The following FBN2 variants were observed in gnomAD, a reference collection of about 807,000 sequenced individuals.
The protein encoded by FBN2 is fibrillin 2.
A neutral mutation model predicts 355.6 loss-of-function variants in FBN2; 105 were observed. That is an observed-to-expected ratio of 0.30 (90% CI 0.25 to 0.35). The LOEUF is 0.35. Among genes scored for constraint, FBN2 ranks in the 10% least tolerant of loss-of-function variants. The probability of loss-of-function intolerance (pLI) is 1.00; values close to 1 mark genes in which losing one functional copy is unlikely to be tolerated. For missense variants in FBN2, 3,280 were observed against 3,758.7 expected (o/e 0.87, Z 3.33); for synonymous variants, 1,350 against 1,301.2 (o/e 1.04, Z -0.81).
rs751962930 is a variant in FBN2, at chr5:128,277,987, A to G, written c.7364T>C (p.Val2455Ala). 6.2e-7 allele frequency: 1 copy of G among 1,614,072 alleles called. No individual in the cohort carries two copies. The highest frequency in any genetic ancestry group is 1.1e-5 in the South Asian group (1 of 91,082). The stretch of plus-strand genomic sequence containing the variant: ...ACCATTGGTGCAGAGGTTTGGCATT[A>G]CCTTACATTCATCAATATCTGTGGA... ...TDGRDIDECKVMPNLCTNGQC... is the reference protein window; with the variant it reads ...TDGRDIDECKAMPNLCTNGQC... Residue 2455 changes from valine to alanine, a missense_variant, in exon 58 of 65, where the codon GTA becomes GCA. Coordinates refer to ENST00000262464, the MANE Select transcript of FBN2 (RefSeq NM_001999.4).
intron 45 of FBN2, among the ~76,000 whole-genome samples, chr5:128,303,900 C>G (rs981949945): frequency 6.6e-6 from 1 of 152,128 alleles, no homozygotes; most frequent in Non-Finnish European, 1.5e-5. Flanking sequence ...AACAAGCATT[C>G]TTAGGGAGTT....
rs1268314275 is a variant in FBN2, at chr5:128,261,746, T to C, written c.8354A>G (p.Asp2785Gly). Residue 2785 changes from aspartate (D) to glycine (G), a missense_variant, in exon 64 of 65, where the codon GAT becomes GGT. Physicochemically the swap from Asp to Gly is moderately conservative, Grantham distance 94. This residue lies in a region of FBN2 where 311 missense variants were observed against 319.1 expected (regional missense o/e 0.97). Coordinates refer to ENST00000262464, the MANE Select transcript of FBN2 (RefSeq NM_001999.4). ...SRQKRSIHEPDPTAVEQISLE... is the reference protein window; with the variant it reads ...SRQKRSIHEPGPTAVEQISLE... ...GTGGGATATACTCACAGCAGTGGGA[T>C]CAGGTTCATGAATACTTCTCTTCTG... The C allele has an allele frequency of 1.2e-6, 2 of 1,614,086 alleles. No individual in the cohort carries two copies. Among genetic ancestry groups the C allele is most frequent in the African/African-American group, 2.7e-5 (2 of 74,960 alleles).
intron 27 of FBN2, 102 bp downstream of exon 27, chr5:128,337,895 G>T: frequency 1.6e-6 from 2 of 1,286,192 alleles, no homozygotes; most frequent in Non-Finnish European, 2.2e-6. Context: ...CTTTTAATAA[G>T]CTAGATTTCA....
intron 1 of FBN2, among the ~76,000 whole-genome samples, chr5:128,536,980 C>T (rs1199157775): frequency 2.0e-5 from 3 of 152,086 alleles, no homozygotes; most frequent in African/African-American, 7.2e-5. Context: ...GAGCGGCGGC[C>T]CCGACGTGGG....
At chr5:128,419,481 T>A (rs964117093) in intron 7 of FBN2, among the ~76,000 whole-genome samples, 2 of 152,156 alleles carry the variant, frequency 1.3e-5, no homozygotes, top group African/African-American at 4.8e-5. Flanking sequence ...TACGTTCCTT[T>A]CTATTCTTAT....
chr5:128,433,891 A>AT (rs1753696920), intron 7 of FBN2, among the ~76,000 whole-genome samples: 1 of 152,194 alleles, frequency 6.6e-6, no homozygotes, highest in South Asian at 2.1e-4. Flanking sequence ...CAAAGCTTAC[A>AT]TAAAAACATA....
In FBN2 at chr5:128,259,192, C is replaced by A; in HGVS notation, c.*263G>T. 1 of 431,246 alleles carries A rather than the reference C, an allele frequency of 2.3e-6. No homozygotes were observed. Among genetic ancestry groups the A allele is most frequent in the Non-Finnish European group, 4.2e-6 (1 of 239,314 alleles). The allele number at this position is 431,246 out of a possible 1,614,324, so 26.7% of individuals were successfully genotyped here. ...TAGTGCCATATGCTGATATCTTGAA[C>A]ATTTAGGTTTCTTTTAATATATTTT... On this transcript the variant is annotated 3_prime_UTR_variant, in exon 65 of 65. Coordinates refer to ENST00000262464, the MANE Select transcript of FBN2 (RefSeq NM_001999.4).
At chr5:128,265,060 C>T (rs1233921079) in intron 62 of FBN2, among the ~76,000 whole-genome samples, 1 of 152,178 alleles carries the variant, frequency 6.6e-6, no homozygotes, top group Admixed American at 6.5e-5. Context: ...AATTCTTAGC[C>T]TTTATGGCAG....
At chr5:128,505,805 C>T (rs1163614986) in intron 5 of FBN2, among the ~76,000 whole-genome samples, 1 of 152,084 alleles carries the variant, frequency 6.6e-6, no homozygotes, top group East Asian at 1.9e-4. Context: ...TAATTCATTA[C>T]TTTTTTAACA....
rs534375056 is a variant in FBN2, at chr5:128,259,799, T to C, written c.8395A>G (p.Met2799Val). The C allele has an allele frequency of 2.5e-6, 4 of 1,613,722 alleles. No homozygotes were observed. Among genetic ancestry groups the C allele is most frequent in the East Asian group, 2.2e-5 (1 of 44,834 alleles). ...AACTTCATGTTGACGGGGCTGTCCATGTCGACACTCTCTAGGCTGATCTGT... is the reference window on the plus strand; with the variant it reads ...AACTTCATGTTGACGGGGCTGTCCACGTCGACACTCTCTAGGCTGATCTGT... ...VEQISLESVDMDSPVNMKFNL... is the reference protein window; with the variant it reads ...VEQISLESVDVDSPVNMKFNL... The change falls in exon 65 of 65, where the codon ATG (methionine) becomes GTG (valine). Residue 2799 changes from methionine (M) to valine (V), a missense_variant. Physicochemically the swap from Met to Val is conservative, Grantham distance 21. Coordinates refer to ENST00000262464, the MANE Select transcript of FBN2 (RefSeq NM_001999.4).
chr5:128,520,712 C>T (rs1355640936), intron 4 of FBN2, among the ~76,000 whole-genome samples: 3 of 152,102 alleles, frequency 2.0e-5, no homozygotes, highest in South Asian at 4.1e-4. Flanking sequence ...GACCTTAAAG[C>T]GTCACTGTGC....
chr5:128,329,874 G>A (rs1378058416), intron 33 of FBN2, among the ~76,000 whole-genome samples: 1 of 152,146 alleles, frequency 6.6e-6, no homozygotes, highest in East Asian at 1.9e-4. Context: ...CGTCCAGCAA[G>A]ATTATCTAGT....
intron 7 of FBN2, among the ~76,000 whole-genome samples, chr5:128,423,013 C>T (rs189347583): frequency 8.0e-4 from 122 of 152,210 alleles, no homozygotes; most frequent in African/African-American, 2.8e-3. Flanking sequence ...ACTCCTTCTC[C>T]AGAAGCCGTC....
chr5:128,289,197 G>A lies in FBN2; in HGVS notation c.6567C>T (p.Asn2189=). 1 of 1,613,818 alleles carries A rather than the reference G, an allele frequency of 6.2e-7. No homozygotes were observed. Among genetic ancestry groups the A allele is most frequent in the Non-Finnish European group, 8.5e-7 (1 of 1,179,652 alleles). The change falls in exon 52 of 65, where the codon AAC becomes AAT. Residue 2189 remains asparagine (N), a synonymous_variant. Transcript: ENST00000262464. ...PGICSNGQCI[N]TDGSFRCECP... ...ATTCACAGCGAAAAGATCCGTCGGTGTTGATACATTGACCATTTGAACAAA... is the reference window on the plus strand; with the variant it reads ...ATTCACAGCGAAAAGATCCGTCGGTATTGATACATTGACCATTTGAACAAA...
At chr5:128,470,632 T>G (rs918556472) in intron 5 of FBN2, among the ~76,000 whole-genome samples, 1 of 152,134 alleles carries the variant, frequency 6.6e-6, no homozygotes, top group African/African-American at 2.4e-5. Context: ...ATGGAATCTA[T>G]GCTGGACAAG....
At chr5:128,276,393 G>A (rs769185686) in intron 58 of FBN2, among the ~76,000 whole-genome samples, 4 of 152,046 alleles carry the variant, frequency 2.6e-5, no homozygotes, top group Non-Finnish European at 5.9e-5. Flanking sequence ...CAACTGTCTG[G>A]GTCCAAAATT....
chr5:128,404,743 C>T lies in FBN2; in HGVS notation c.1078+3931G>A, dbSNP rs115479457. On this transcript the variant is annotated intron_variant, in intron 8 of 64. Transcript: ENST00000262464. ...AGCCCACAGTCTAGCCAGTGAGTAA[C>T]GCAGAAGTACCTGTGACAATGCAGT... Among the ~76,000 whole-genome samples, 1,204 of 152,230 alleles carry T rather than the reference C, an allele frequency of 7.9e-3. 15 individuals are homozygous for T. The highest frequency in any genetic ancestry group is 0.027 in the African/African-American group (1,126 of 41,562).
Position 128,332,775 on chromosome 5 carries a change from C to G in FBN2, c.4222+137G>C, listed in dbSNP as rs781736330. The G allele has an allele frequency of 1.1e-5, 10 of 877,146 alleles. No individual in the cohort carries two copies. In the African/African-American group the frequency reaches 1.7e-4, roughly 15 times the overall value. The allele number at this position is 877,146 out of a possible 1,614,324, so 54.3% of individuals were successfully genotyped here. A position where few individuals can be genotyped will look rare whatever the true frequency, so the allele number is the denominator to read the frequency against. The stretch of plus-strand genomic sequence containing the variant: ...ATTAAGGGTAAAGGACACCCTTAGG[C>G]AGGAATTATCTTGCAACTAAGATAA... On this transcript the variant is annotated intron_variant, in intron 32 of 64. Coordinates refer to ENST00000262464, the MANE Select transcript of FBN2 (RefSeq NM_001999.4).
chr5:128,300,423 C>T (rs1365012161), intron 48 of FBN2, among the ~76,000 whole-genome samples: 1 of 152,216 alleles, frequency 6.6e-6, no homozygotes, highest in Non-Finnish European at 1.5e-5. Context: ...AATGTCTCAA[C>T]AGCATTGTCG....
Sources: allele counts gnomAD v4.1 joint callset (sites outside exome capture counted in the v4.1 genomes callset), GRCh38; gene constraint gnomAD v4.1.1; regional missense constraint gnomAD v4.1.1; transcripts MANE v1.5; gene names NCBI Gene and HGNC (gene_info 2026-07-23, HGNC 2026-07-21).